The following DPYD variants were observed in gnomAD, a reference collection of about 807,000 sequenced individuals.
The protein encoded by DPYD is dihydropyrimidine dehydrogenase [NADP(+)].
Under a neutral mutation model 116.2 loss-of-function variants are expected in DPYD, and 109 were observed. That is an observed-to-expected ratio of 0.94 (90% confidence interval 0.80 to 1.10). The LOEUF (loss-of-function observed/expected upper bound fraction) is 1.10. DPYD is among the 50% of genes least tolerant of loss of function. The pLI is 0.00. For synonymous variants in DPYD, 440 were observed against 432.0 expected (o/e 1.02, Z -0.23); for missense variants, 1,302 against 1,254.5 (o/e 1.04, Z -0.57).
Position 97,087,122 on chromosome 1 carries a change from T to C in DPYD, c.2767-4652A>G, listed in dbSNP as rs979728824. ...CAAAAGCTGAATGACGTTTGTAGGATTCCTTTGGGGTTAGATCTCAATCTT... is the reference window on the plus strand; with the variant it reads ...CAAAAGCTGAATGACGTTTGTAGGACTCCTTTGGGGTTAGATCTCAATCTT... On this transcript the variant is annotated intron_variant, in intron 21 of 22. Transcript: ENST00000370192. 1.9e-4 allele frequency among the ~76,000 whole-genome samples: 29 copies of C among 152,224 alleles called. 1 individual carries two copies. The highest frequency in any genetic ancestry group is 1.2e-4 in the African/African-American group (5 of 41,466).
chr1:97,362,430 T>C (rs1326871632), intron 16 of DPYD, among the ~76,000 whole-genome samples: 1 of 152,200 alleles, frequency 6.6e-6, no homozygotes, highest in Admixed American at 6.5e-5. Context: ...AATGACTTTC[T>C]TCACAGAATT....
intron 3 of DPYD, among the ~76,000 whole-genome samples, chr1:97,793,272 A>G (rs1169170352): frequency 6.6e-6 from 1 of 152,222 alleles, no homozygotes; most frequent in Admixed American, 6.5e-5. Flanking sequence ...CAATTTTGTT[A>G]AGATGGTGAT....
intron 16 of DPYD, among the ~76,000 whole-genome samples, chr1:97,318,224 A>C (rs1411957461): frequency 1.4e-5 from 2 of 143,328 alleles, no homozygotes; most frequent in Admixed American, 1.4e-4. Context: ...AAATTCACAC[A>C]TAACAATATT....
At chr1:97,510,777 G>A (rs903899951) in intron 13 of DPYD, among the ~76,000 whole-genome samples, 3 of 151,902 alleles carry the variant, frequency 2.0e-5, no homozygotes, top group Non-Finnish European at 4.4e-5. Context: ...AATAAAATAC[G>A]GAAGTAACAC....
At chr1:97,184,534 T>A (rs1298524156) in intron 20 of DPYD, among the ~76,000 whole-genome samples, 1 of 152,180 alleles carries the variant, frequency 6.6e-6, no homozygotes, top group African/African-American at 2.4e-5. Flanking sequence ...GAGCTTTTTT[T>A]CATACGCTTG....
chr1:97,257,475 A>AGAGAGAGAGAGC (rs1557977936), intron 18 of DPYD, among the ~76,000 whole-genome samples: 2 of 150,230 alleles, frequency 1.3e-5, no homozygotes, highest in African/African-American at 4.9e-5. Flanking sequence ...AGAGAGAGAG[A>AGAGAGAGAGAGC]GCACGTGAGT....
At chr1:97,697,592 C>T (rs1571208254) in intron 6 of DPYD, among the ~76,000 whole-genome samples, 1 of 151,872 alleles carries the variant, frequency 6.6e-6, no homozygotes, top group South Asian at 2.1e-4. Flanking sequence ...TCTCTACATA[C>T]TGAAAAGATT....
At chr1:97,503,410 A>T (rs1679706992) in intron 13 of DPYD, among the ~76,000 whole-genome samples, 1 of 151,982 alleles carries the variant, frequency 6.6e-6, no homozygotes, top group South Asian at 2.1e-4. Context: ...CTGTGCTGTG[A>T]ATGAATCCAC....
rs187093199 is a variant in DPYD, at chr1:97,736,516, A to G, written c.321+3876T>C. 1.3e-3 allele frequency among the ~76,000 whole-genome samples: 205 copies of G among 152,258 alleles called. 2 individuals are homozygous for G. The highest frequency in any genetic ancestry group is 8.8e-3 in the Admixed American group (134 of 15,296). ...CAAAAATATGAATAAAGCTAATCCA[A>G]TATTGACTAAATAAAGCAATTATAA... On this transcript the variant is annotated intron_variant, in intron 4 of 22. Transcript: ENST00000370192.
intron 13 of DPYD, among the ~76,000 whole-genome samples, chr1:97,468,555 C>G (rs1677457566): frequency 6.6e-6 from 1 of 152,156 alleles, no homozygotes; most frequent in Admixed American, 6.6e-5. Flanking sequence ...TTCTCAACCT[C>G]CAGAACTGTG....
intron 1 of DPYD, among the ~76,000 whole-genome samples, chr1:97,905,160 C>T (rs1328426999): frequency 3.3e-5 from 5 of 151,986 alleles, no homozygotes; most frequent in African/African-American, 4.8e-5. Flanking sequence ...TTGTTTTGAA[C>T]ACTGTAGTGC....
At position 97,179,981 on chromosome 1, in the gene DPYD, G is replaced by A. The variant is rs915376213; in HGVS notation, c.2622+13088C>T. 2.6e-5 allele frequency among the ~76,000 whole-genome samples: 4 copies of A among 152,278 alleles called. No individual in the cohort carries two copies. The East Asian group carries it at 7.7e-4, about 29-fold the overall frequency. On this transcript the variant is annotated intron_variant, in intron 20 of 22. Coordinates refer to ENST00000370192, the MANE Select transcript of DPYD (RefSeq NM_000110.4). ...TCTAAACTGATTTGGTTAAGTGTGA[G>A]ACTGCCAATTATTCAGGGCAACTGA...
At chr1:97,379,955 T>C (rs74105146) in intron 15 of DPYD, among the ~76,000 whole-genome samples, 18,051 of 152,272 alleles carry the variant, frequency 0.12, 1,402 homozygotes, top group South Asian at 0.29. Flanking sequence ...TGGCCAGCTC[T>C]GGAATGCACC....
At chr1:97,229,175 G>A (rs570746232) in intron 19 of DPYD, among the ~76,000 whole-genome samples, 1 of 129,402 alleles carries the variant, frequency 7.7e-6, no homozygotes, top group Admixed American at 9.5e-5. Context: ...CTGCACTCCA[G>A]CCTGGGCAAC....
At chr1:97,559,446 C>A (rs1427184778) in intron 11 of DPYD, among the ~76,000 whole-genome samples, 1 of 152,088 alleles carries the variant, frequency 6.6e-6, no homozygotes, top group Non-Finnish European at 1.5e-5. Context: ...GTCTGACTGC[C>A]ATGACTAATT....
At chr1:97,712,823 T>C (rs1328325141) in intron 5 of DPYD, among the ~76,000 whole-genome samples, 1 of 152,132 alleles carries the variant, frequency 6.6e-6, no homozygotes, top group Non-Finnish European at 1.5e-5. Flanking sequence ...TCTACTTTTT[T>C]CTGCAGCTTT....
At chr1:97,729,666 A>C (rs1019153987) in intron 4 of DPYD, among the ~76,000 whole-genome samples, 1 of 152,126 alleles carries the variant, frequency 6.6e-6, no homozygotes, top group Admixed American at 6.6e-5. Flanking sequence ...GGGGCATATG[A>C]ATGGTGGTAA....
At chr1:97,145,954 G>A (rs1356176496) in intron 20 of DPYD, among the ~76,000 whole-genome samples, 1 of 152,052 alleles carries the variant, frequency 6.6e-6, no homozygotes, top group South Asian at 2.1e-4. Flanking sequence ...CTTCAATTGA[G>A]TCTACTGAAG....
intron 14 of DPYD, among the ~76,000 whole-genome samples, chr1:97,423,788 T>C (rs980065034): frequency 2.6e-5 from 4 of 152,178 alleles, no homozygotes; most frequent in Non-Finnish European, 4.4e-5. Context: ...CAGCTTAATG[T>C]ACCCTTTACT....
Sources: allele counts gnomAD v4.1 joint callset (sites outside exome capture counted in the v4.1 genomes callset), GRCh38; gene constraint gnomAD v4.1.1; transcripts MANE v1.5; gene names NCBI Gene and HGNC (gene_info 2026-07-23, HGNC 2026-07-21).